The following SIN3A variants were observed in gnomAD, a reference collection of about 807,000 sequenced individuals.
The protein encoded by SIN3A is SIN3 transcription regulator family member A, also known as paired amphipathic helix protein Sin3a.
A neutral mutation model predicts 146.1 loss-of-function variants in SIN3A; 14 were observed. The observed-to-expected ratio is 0.10, with a 90% confidence interval of 0.06 to 0.15. The LOEUF (loss-of-function observed/expected upper bound fraction) is 0.15, where lower values mean the gene tolerates loss of function less well. Ranked by LOEUF, SIN3A falls within the 10% of genes least tolerant of loss-of-function variation. The pLI, the probability that SIN3A is intolerant of heterozygous loss-of-function variation, is 1.00. For synonymous variants in SIN3A, 572 were observed against 572.0 expected (o/e 1.00, Z 0.00); for missense variants, 1,028 against 1,576.0 (o/e 0.65, Z 5.89).
Position 75,400,172 on chromosome 15 carries a change from G to GA in SIN3A, c.1738-17dup. 7.0e-7 allele frequency: 1 copy of GA among 1,427,610 alleles called. No individual in the cohort carries two copies. The allele number at this position is 1,427,610 out of a possible 1,614,324, so 88.4% of individuals were successfully genotyped here. A position where few individuals can be genotyped will look rare whatever the true frequency, so the allele number is the denominator to read the frequency against. On this transcript the variant is annotated splice_polypyrimidine_tract_variant and intron_variant, in intron 11 of 20. Transcript: ENST00000394947. ...CATTTAAAACCTTTGGGTAGAAGAA[G>GA]AGAGACTGAAACAAAAGCCTAAAAA...
intron 8 of SIN3A, among the ~76,000 whole-genome samples, chr15:75,408,900 T>A (rs1378294903): frequency 6.6e-6 from 1 of 152,182 alleles, no homozygotes; most frequent in African/African-American, 2.4e-5. Context: ...ACAAGGCAGA[T>A]TTAAAGCATC....
chr15:75,423,820 C>G (rs1196810429), intron 2 of SIN3A, among the ~76,000 whole-genome samples: 2 of 152,048 alleles, frequency 1.3e-5, no homozygotes, highest in African/African-American at 4.8e-5. Context: ...TGGTAAGACC[C>G]TGTCTCTACT....
chr15:75,387,168 T>C (rs1191154824), intron 16 of SIN3A, among the ~76,000 whole-genome samples: 1 of 152,008 alleles, frequency 6.6e-6, no homozygotes, highest in Non-Finnish European at 1.5e-5. Flanking sequence ...ACACCAAATA[T>C]GAGGAGAATG....
At position 75,414,251 on chromosome 15, in the gene SIN3A, C is replaced by A; in HGVS notation, c.427G>T (p.Val143Phe). ...VKLQFGSQPQ[V>F]YNDFLDIMKE... ...ATGATGTCAAGGAAATCATTGTAGACCTGAGGCTGACTACCAAACTGCAGC... is the reference window on the plus strand; with the variant it reads ...ATGATGTCAAGGAAATCATTGTAGAACTGAGGCTGACTACCAAACTGCAGC... The change falls in exon 4 of 21, where the codon GTC becomes TTC. Residue 143 changes from valine (V) to phenylalanine (F), a missense_variant. By Grantham distance (50) the Val-to-Phe change is conservative. This residue lies in a region of SIN3A where 152 missense variants were observed against 231.5 expected (regional missense o/e 0.66). Coordinates refer to ENST00000394947, the MANE Select transcript of SIN3A (RefSeq NM_001145358.2). 1 of 1,555,724 alleles carries A rather than the reference C, an allele frequency of 6.4e-7. No individual in the cohort carries two copies. Among genetic ancestry groups the A allele is most frequent in the Non-Finnish European group, 8.7e-7 (1 of 1,143,142 alleles).
At chr15:75,400,642 T>G in intron 11 of SIN3A, 88 bp downstream of exon 11, 1 of 871,750 alleles carries the variant, frequency 1.1e-6, no homozygotes, top group Non-Finnish European at 1.8e-6. Context: ...ATTTCATCAT[T>G]CATATAAATT....
upstream of SIN3A, among the ~76,000 whole-genome samples, chr15:75,452,195 C>T (rs1371098960): frequency 1.3e-5 from 2 of 152,224 alleles, no homozygotes; most frequent in Non-Finnish European, 2.9e-5. Flanking sequence ...CCCCAAGAGT[C>T]GGATTGGATA....
chr15:75,409,599 C>A (rs1276837269), intron 8 of SIN3A, among the ~76,000 whole-genome samples: 1 of 151,428 alleles, frequency 6.6e-6, no homozygotes, highest in Non-Finnish European at 1.5e-5. Context: ...TGGTGGCATG[C>A]GCCTGTAGTC....
intron 5 of SIN3A, among the ~76,000 whole-genome samples, 159 bp from the exon 6 acceptor site, chr15:75,411,902 G>A (rs2073647191): frequency 6.6e-6 from 1 of 152,192 alleles, no homozygotes; most frequent in Non-Finnish European, 1.5e-5. Context: ...GGCAGCAGTG[G>A]GAGTTGTAGG....
intron 2 of SIN3A, among the ~76,000 whole-genome samples, chr15:75,424,395 C>T (rs1249878272): frequency 6.6e-6 from 1 of 152,182 alleles, no homozygotes; most frequent in African/African-American, 2.4e-5. Context: ...GATCACGCCA[C>T]TGCACTCCAG....
At chr15:75,394,344 T>C (rs951322451) in intron 14 of SIN3A, among the ~76,000 whole-genome samples, 1 of 152,164 alleles carries the variant, frequency 6.6e-6, no homozygotes. Context: ...ATGACAAATT[T>C]TGAAGCTGTA....
chr15:75,430,081 C>A, intron 2 of SIN3A, 106 bp downstream of exon 2: 1 of 801,002 alleles, frequency 1.2e-6, no homozygotes, highest in Non-Finnish European at 2.0e-6. Flanking sequence ...CTTACACATA[C>A]TCAACAATTT....
In SIN3A at chr15:75,400,741, G is replaced by C; in HGVS notation, c.1726C>G (p.Leu576Val). 6.2e-7 allele frequency: 1 copy of C among 1,613,482 alleles called. No individual in the cohort carries two copies. The highest frequency in any genetic ancestry group is 8.5e-7 in the Non-Finnish European group (1 of 1,179,832). The change falls in exon 11 of 21, where the codon CTC becomes GTC. Residue 576 changes from leucine to valine, a missense_variant. This residue lies in a region of SIN3A where 157 missense variants were observed against 284.8 expected (regional missense o/e 0.55). Transcript: ENST00000394947. The stretch of plus-strand genomic sequence containing the variant: ...AGGGAAGGCCTTACCTCTTTACAGA[G>C]AGGAGTCCGTCCTGTACACTTGGGC... ...QQPKCTGRTP[L>V]CKEVLNDTWV...
Position 75,371,970 on chromosome 15 carries a change from G to A in SIN3A, c.*9C>T, listed in dbSNP as rs200990835. 1 of 1,611,228 alleles carries A rather than the reference G, an allele frequency of 6.2e-7. No homozygotes were observed. The highest frequency in any genetic ancestry group is 1.3e-5 in the African/African-American group (1 of 74,974). On this transcript the variant is annotated 3_prime_UTR_variant, in exon 21 of 21. Transcript: ENST00000394947. Reference sequence around the variant, plus strand: ...CACACACCCCAAGTTATCTGCTCTGGCTTTGCAGTTAAGGGGCTTTGAATA... The same window carrying A: ...CACACACCCCAAGTTATCTGCTCTGACTTTGCAGTTAAGGGGCTTTGAATA...
chr15:75,395,030 A>T (rs1257152770), intron 13 of SIN3A, among the ~76,000 whole-genome samples, 167 bp from the exon 14 acceptor site: 1 of 152,232 alleles, frequency 6.6e-6, no homozygotes, highest in African/African-American at 2.4e-5. Context: ...ACTCTGTTTC[A>T]TGAGGGAATT....
At chr15:75,433,368 G>A (rs112504295) in intron 1 of SIN3A, among the ~76,000 whole-genome samples, 70 of 152,200 alleles carry the variant, frequency 4.6e-4, no homozygotes, top group African/African-American at 1.6e-3. Flanking sequence ...CATACATTAA[G>A]TATTACAGTA....
intron 1 of SIN3A, among the ~76,000 whole-genome samples, chr15:75,438,171 G>A (rs2074138493): frequency 6.6e-6 from 1 of 152,140 alleles, no homozygotes; most frequent in Admixed American, 6.6e-5. Context: ...AACCAGCCTG[G>A]CCAACATGGC....
intron 16 of SIN3A, among the ~76,000 whole-genome samples, chr15:75,389,159 A>G (rs1039387879): frequency 9.9e-5 from 15 of 152,160 alleles, no homozygotes; most frequent in African/African-American, 3.1e-4. Flanking sequence ...ATGCAAGTAC[A>G]TAAGAGTTAC....
intron 3 of SIN3A, chr15:75,419,694 G>A (rs1012520125): frequency 2.6e-5 from 4 of 151,788 alleles, no homozygotes; most frequent in African/African-American, 7.3e-5. Flanking sequence ...GCTTGGTGGT[G>A]CATGCCTGTA....
intron 1 of SIN3A, among the ~76,000 whole-genome samples, chr15:75,438,027 C>CA (rs1487689518): frequency 4.6e-5 from 7 of 151,286 alleles, no homozygotes; most frequent in African/African-American, 9.7e-5. Flanking sequence ...TACACACACA[C>CA]AAAAAAAACA....
Sources: gnomAD v4.1 joint callset for allele counts (sites outside exome capture counted in the v4.1 genomes callset) on GRCh38, gnomAD v4.1.1 for gene constraint, gnomAD v4.1.1 regional missense constraint, MANE v1.5 for transcripts, NCBI Gene and HGNC (gene_info 2026-07-23, HGNC 2026-07-21) for gene names.